IL5RA: variants seen among roughly 807,000 people sequenced by gnomAD.
The protein encoded by IL5RA is interleukin-5 receptor subunit alpha.
A neutral mutation model predicts 50.0 loss-of-function variants in IL5RA; 49 were observed. That is an observed-to-expected ratio of 0.98 (90% CI 0.78 to 1.24). The LOEUF (loss-of-function observed/expected upper bound fraction) is 1.24. Ranked by LOEUF, IL5RA falls within the 50% of genes most tolerant of loss-of-function variation. The pLI, the probability that IL5RA is intolerant of heterozygous loss-of-function variation, is 0.00. For missense variants in IL5RA, 600 were observed against 500.4 expected, an observed-to-expected ratio of 1.20 and a Z score of -1.90; for synonymous variants, 202 against 174.0, an observed-to-expected ratio of 1.16 and a Z score of -1.26.
intron 11 of IL5RA, chr3:3,073,743 C>T: frequency 2.2e-6 from 1 of 446,722 alleles, no homozygotes; most frequent in Non-Finnish European, 4.5e-6. Flanking sequence ...GACAACTCAA[C>T]ACAATCTCAC....
intron 11 of IL5RA, among the ~76,000 whole-genome samples, chr3:3,074,576 C>G (rs564565976): frequency 1.3e-4 from 20 of 152,246 alleles, no homozygotes; most frequent in African/African-American, 4.8e-4. Flanking sequence ...TGAGACCAGC[C>G]TGGACAACAT....
chr3:3,099,156 G>A (rs924893786), intron 5 of IL5RA, among the ~76,000 whole-genome samples: 14 of 152,202 alleles, frequency 9.2e-5, no homozygotes, highest in South Asian at 4.1e-4. Flanking sequence ...CAGACTTGAT[G>A]CACATTAGCA....
intron 7 of IL5RA, among the ~76,000 whole-genome samples, chr3:3,096,732 A>G (rs1426620354): frequency 6.6e-6 from 1 of 152,214 alleles, no homozygotes; most frequent in African/African-American, 2.4e-5. Flanking sequence ...TAAGAAATAT[A>G]TTACTGGAGA....
intron 2 of IL5RA, among the ~76,000 whole-genome samples, chr3:3,108,262 A>G (rs997613808): frequency 6.6e-6 from 1 of 152,218 alleles, no homozygotes; most frequent in Non-Finnish European, 1.5e-5. Context: ...GCACATTCCT[A>G]AATATATAAA....
rs756302911 is a variant in IL5RA at position 3,098,103 on chromosome 3, C to A, written c.521+34G>T. The A allele has an allele frequency of 1.4e-5, 22 of 1,613,850 alleles. No homozygotes were observed. The East Asian group carries it at 3.3e-4, about 25-fold the overall frequency. ...GTGTTATGAGGTTGCAGGAAACAAC[C>A]ATTTGCCTAAGTAAAAATAGGTACA... is the stretch of plus-strand genomic sequence containing the variant. On this transcript the variant is annotated intron_variant, in intron 6 of 11. Coordinates refer to ENST00000446632, the MANE Select transcript of IL5RA (RefSeq NM_175726.4).
chr3:3,103,444 A>C (rs1315962655), intron 3 of IL5RA, among the ~76,000 whole-genome samples: 7 of 152,250 alleles, frequency 4.6e-5, no homozygotes, highest in Non-Finnish European at 1.0e-4. Context: ...AAACATAATA[A>C]GAGCTGTTTC....
In IL5RA at chr3:3,104,904, C is replaced by A. The variant is rs1703834359; in HGVS notation, c.81G>T (p.Lys27Asn). ...ILQADLLPDEKISLLPPVNFT... is the reference protein window; with the variant it reads ...ILQADLLPDENISLLPPVNFT... ...TTGAATTGAATAGAAGGTCCTTACT[C>A]TTTTCATCAGGAAGTAAGTCAGCTT... Residue 27 changes from lysine (K) to asparagine (N), a missense_variant and splice_region_variant, in exon 3 of 12, where the codon AAG becomes AAT. Coordinates refer to ENST00000446632, the MANE Select transcript of IL5RA (RefSeq NM_175726.4). 6.3e-7 allele frequency: 1 copy of A among 1,590,618 alleles called. No homozygotes were observed.
intron 9 of IL5RA, among the ~76,000 whole-genome samples, chr3:3,081,905 T>C (rs532078267): frequency 1.3e-5 from 2 of 152,194 alleles, no homozygotes; most frequent in African/African-American, 2.4e-5. Flanking sequence ...TACTCCCCTA[T>C]AGCTAGTTGA....
Position 3,070,575 on chromosome 3 carries a change from C to CTTTTTTTTTTTTTTT in IL5RA, c.1177-279_1177-265dup, listed in dbSNP as rs71058670. 1.4e-4 allele frequency among the ~76,000 whole-genome samples: 12 copies of CTTTTTTTTTTTTTTT among 84,916 alleles called. 1 individual carries two copies. The highest frequency in any genetic ancestry group is 6.5e-4 in the African/African-American group (12 of 18,474). The allele number at this position is 84,916 out of a possible 152,430, so 55.7% of individuals were successfully genotyped here. A position where few individuals can be genotyped will look rare whatever the true frequency, so the allele number is the denominator to read the frequency against. On this transcript the variant is annotated intron_variant, in intron 11 of 11. Transcript: ENST00000446632. ...TACTTGAAGTCATATGGATACACATCTTTTTTTTTTTTTTTTTTTTTTTTT... is the reference window on the plus strand; with the variant it reads ...TACTTGAAGTCATATGGATACACATCTTTTTTTTTTTTTTTTTTTTTTTTTTTTTTTTTTTTTTTT...
chr3:3,072,619 G>A (rs1702340026), intron 11 of IL5RA, among the ~76,000 whole-genome samples: 1 of 152,138 alleles, frequency 6.6e-6, no homozygotes, highest in Admixed American at 6.5e-5. Flanking sequence ...ACTTCAGTTG[G>A]CTGCTTAAAC....
At chr3:3,081,300 G>A (rs371504149) in intron 9 of IL5RA, among the ~76,000 whole-genome samples, 6 of 152,062 alleles carry the variant, frequency 3.9e-5, no homozygotes, top group Non-Finnish European at 5.9e-5. Context: ...TTTCCCAGTC[G>A]ATTTCCTGAG....
At chr3:3,105,063 A>G in intron 2 of IL5RA, 76 bp from the exon 3 acceptor site, 2 of 947,896 alleles carry the variant, frequency 2.1e-6, no homozygotes, top group Non-Finnish European at 3.4e-6. Context: ...TTTCTAACAT[A>G]AAATGCAGTC....
Position 3,101,780 on chromosome 3 carries a change from G to A in IL5RA, c.279C>T (p.Gly93=), listed in dbSNP as rs753272962. ...ESKCVTILHK[G]FSASVRTILQ... ...GGATGGTCCGCACACTTGCTGAAAAGCCTTTGTGGAGGATGGTTACACATT... is the reference window on the plus strand; with the variant it reads ...GGATGGTCCGCACACTTGCTGAAAAACCTTTGTGGAGGATGGTTACACATT... The change falls in exon 5 of 12, where the codon GGC becomes GGT. Residue 93 remains glycine (G), a synonymous_variant. Coordinates refer to ENST00000446632, the MANE Select transcript of IL5RA (RefSeq NM_175726.4). The A allele has an allele frequency of 6.2e-7, 1 of 1,614,112 alleles. No individual in the cohort carries two copies. The highest frequency in any genetic ancestry group is 8.5e-7 in the Non-Finnish European group (1 of 1,180,002).
chr3:3,104,876 T>C (rs1415581634), intron 3 of IL5RA, 27 bp downstream of exon 3: 1 of 1,362,654 alleles, frequency 7.3e-7, no homozygotes, highest in Non-Finnish European at 1.0e-6. Context: ...AAAATAAACA[T>C]TATTGAATTG....
chr3:3,076,667 C>A, intron 9 of IL5RA, 40 bp from the exon 10 acceptor site: 2 of 1,326,986 alleles, frequency 1.5e-6, no homozygotes, highest in Non-Finnish European at 2.2e-6. Flanking sequence ...ATATAAAGTC[C>A]AAGTTAGAAG....
At chr3:3,109,663 C>T (rs1704093187) in intron 1 of IL5RA, among the ~76,000 whole-genome samples, 1 of 152,184 alleles carries the variant, frequency 6.6e-6, no homozygotes, top group South Asian at 2.1e-4. Flanking sequence ...CCAGAATCAA[C>T]ATGACCTGCC....
Position 3,092,150 on chromosome 3 carries a change from C to A in IL5RA, c.994+74G>T. On this transcript the variant is annotated intron_variant, in intron 9 of 11. Transcript: ENST00000446632. The surrounding 1 kb of genome is among the most constrained non-coding windows in gnomAD (Gnocchi z 4.2). ...AACCATTTTAAGACCCACGAGTGAA[C>A]GGGTACGTTTCTGGGATTACCTTTT... 1 of 1,566,780 alleles carries A rather than the reference C, an allele frequency of 6.4e-7. No individual in the cohort carries two copies. The highest frequency in any genetic ancestry group is 8.6e-7 in the Non-Finnish European group (1 of 1,160,840).
intron 11 of IL5RA, among the ~76,000 whole-genome samples, chr3:3,072,120 A>G (rs1289993994): frequency 6.6e-6 from 1 of 152,180 alleles, no homozygotes; most frequent in Non-Finnish European, 1.5e-5. Flanking sequence ...GCCTCTGAGA[A>G]TGGGTTGGAT....
intron 9 of IL5RA, among the ~76,000 whole-genome samples, chr3:3,085,415 A>T (rs977494280): frequency 1.3e-5 from 2 of 152,152 alleles, no homozygotes; most frequent in Non-Finnish European, 2.9e-5. Flanking sequence ...GTGTTTTGCC[A>T]CAGTGTGAGA....
Sources: gnomAD v4.1 joint callset for allele counts (sites outside exome capture counted in the v4.1 genomes callset) on GRCh38, gnomAD v4.1.1 for gene constraint, Gnocchi (gnomAD v3.1) non-coding constraint, MANE v1.5 for transcripts, NCBI Gene and HGNC (gene_info 2026-07-23, HGNC 2026-07-21) for gene names.